ZBTB4: variants seen among roughly 807,000 people sequenced by gnomAD.
The protein encoded by ZBTB4 is zinc finger and BTB domain containing 4, also known as zinc finger and BTB domain-containing protein 4.
In ZBTB4, 14 loss-of-function variants were observed where a neutral mutation model predicts 59.8. The observed-to-expected ratio is 0.23, with a 90% CI of 0.15 to 0.37. The LOEUF is 0.37. ZBTB4 is among the 10% of genes least tolerant of loss of function. ZBTB4 has a pLI of 1.00. For synonymous variants in ZBTB4, 587 were observed against 575.2 expected, an observed-to-expected ratio of 1.02 and a Z score of -0.29; for missense variants, 1,198 against 1,380.8, an observed-to-expected ratio of 0.87 and a Z score of 2.10.
In ZBTB4 at chr17:7,462,475, G is replaced by T; in HGVS notation, c.2507C>A (p.Thr836Asn). ...SSSGEAGGGS[T>N]AAEEASETAS... ...GGTCTCGGAAGCTTCCTCAGCAGCAGTGCTCCCGCCACCTGCCTCACCGCT... is the reference window on the plus strand; with the variant it reads ...GGTCTCGGAAGCTTCCTCAGCAGCATTGCTCCCGCCACCTGCCTCACCGCT... Residue 836 changes from threonine to asparagine, a missense_variant, in exon 4 of 4, where the codon ACT becomes AAT. Coordinates refer to ENST00000380599, the MANE Select transcript of ZBTB4 (RefSeq NM_001128833.2). This position sits in a 1 kb window ranked among gnomAD's most constrained non-coding sequence, Gnocchi z 7.5. The T allele has an allele frequency of 6.2e-7, 1 of 1,613,866 alleles. No individual in the cohort carries two copies. The highest frequency in any genetic ancestry group is 8.5e-7 in the Non-Finnish European group (1 of 1,180,008).
chr17:7,467,844 C>T (rs553812353), intron 1 of ZBTB4, among the ~76,000 whole-genome samples: 3 of 152,196 alleles, frequency 2.0e-5, no homozygotes, highest in African/African-American at 7.2e-5. Context: ...ATCCTTCCAG[C>T]CCCATAAATC....
rs1162689501 is a variant in ZBTB4, at chr17:7,459,815, AT to A, written c.*2124del. 5.2e-5 allele frequency: 8 copies of A among 152,546 alleles called. No individual in the cohort carries two copies. The highest frequency in any genetic ancestry group is 1.7e-4 in the African/African-American group (7 of 41,420). The allele number at this position is 152,546 out of a possible 1,614,324, so 9.4% of individuals were successfully genotyped here. On this transcript the variant is annotated 3_prime_UTR_variant, in exon 4 of 4. Coordinates refer to ENST00000380599, the MANE Select transcript of ZBTB4 (RefSeq NM_001128833.2). ...ACAATCTCAATTCTCCCAAAAAAAA[AT>A]GTCCATGGTTTTGGAATTTTGACCT...
chr17:7,479,833 G>C (rs933090307), upstream of ZBTB4, among the ~76,000 whole-genome samples: 1 of 151,902 alleles, frequency 6.6e-6, no homozygotes, highest in African/African-American at 2.4e-5. Context: ...GGTGGACACC[G>C]AGCGGGGCGC....
chr17:7,466,602 A>G lies in ZBTB4; in HGVS notation c.200T>C (p.Leu67Pro), dbSNP rs765434026. The change falls in exon 3 of 4, where the codon CTT becomes CCT. Residue 67 changes from leucine to proline, a missense_variant. Transcript: ENST00000380599. This position sits in a 1 kb window ranked among gnomAD's most constrained non-coding sequence, Gnocchi z 9.1. ...EALLTSAPLP[L>P]PPATGGAAPN... ...TGCGGCGCCCCCAGTAGCTGGTGGA[A>G]GGGGTAGTGGGGCTGAAGTGAGCAG... The G allele has an allele frequency of 6.2e-7, 1 of 1,613,508 alleles. No individual in the cohort carries two copies. The highest frequency in any genetic ancestry group is 1.1e-5 in the South Asian group (1 of 91,000).
chr17:7,465,761 A>G lies in ZBTB4; in HGVS notation c.1041T>C (p.Ala347=). The change falls in exon 3 of 4, where the codon GCT becomes GCC. Residue 347 remains alanine (A), a synonymous_variant. Coordinates refer to ENST00000380599, the MANE Select transcript of ZBTB4 (RefSeq NM_001128833.2). Reference sequence around the variant, plus strand: ...CATGCTTCGTGCGGTACTCCGCCAGAGCAAACACTTTCTCACAATAGCGGC... The same window carrying G: ...CATGCTTCGTGCGGTACTCCGCCAGGGCAAACACTTTCTCACAATAGCGGC... ...YPCRYCEKVF[A]LAEYRTKHEV... is the part of the protein sequence containing the mutation. 6.2e-7 allele frequency: 1 copy of G among 1,614,068 alleles called. No individual in the cohort carries two copies. The highest frequency in any genetic ancestry group is 1.1e-5 in the South Asian group (1 of 91,082).
chr17:7,463,954 T>C, intron 3 of ZBTB4, 64 bp from the exon 4 acceptor site: 1 of 1,546,020 alleles, frequency 6.5e-7, no homozygotes, highest in Admixed American at 1.9e-5. Flanking sequence ...CCCTGAAGCC[T>C]CCCAGGTCCT....
chr17:7,474,812 G>C (rs922775859), intron 1 of ZBTB4, among the ~76,000 whole-genome samples: 7 of 151,006 alleles, frequency 4.6e-5, no homozygotes, highest in African/African-American at 1.5e-4. Context: ...AGGAGTTCCA[G>C]ACCAGCCTGG....
intron 3 of ZBTB4, 49 bp downstream of exon 3, chr17:7,465,662 C>G: frequency 1.9e-6 from 3 of 1,548,298 alleles, no homozygotes; most frequent in Non-Finnish European, 2.6e-6. Flanking sequence ...TTCCTATGAC[C>G]GCTGAGTGCC....
chr17:7,482,437 C>A (rs764171763), upstream of ZBTB4: 1 of 1,614,032 alleles, frequency 6.2e-7, no homozygotes, highest in Non-Finnish European at 8.5e-7. Flanking sequence ...GCCTTGAGAG[C>A]CAGGGTCTCA....
At chr17:7,477,764 C>T (rs988458243) in intron 1 of ZBTB4, among the ~76,000 whole-genome samples, 4 of 152,134 alleles carry the variant, frequency 2.6e-5, no homozygotes, top group Non-Finnish European at 4.4e-5. Context: ...GAAAACTTCA[C>T]GTTTCTTTTT....
chr17:7,461,822 C>G lies in ZBTB4; in HGVS notation c.*118G>C. On this transcript the variant is annotated 3_prime_UTR_variant, in exon 4 of 4. Coordinates refer to ENST00000380599, the MANE Select transcript of ZBTB4 (RefSeq NM_001128833.2). ...CTGACCCCTGAGCTCCAGGGGCCCC[C>G]AAGTCCCTGCACAAGAGTGTGAAGG... 4 of 912,604 alleles carry G rather than the reference C, an allele frequency of 4.4e-6. No homozygotes were observed. The highest frequency in any genetic ancestry group is 6.5e-6 in the Non-Finnish European group (4 of 616,146). The allele number at this position is 912,604 out of a possible 1,614,324, so 56.5% of individuals were successfully genotyped here. A position where few individuals can be genotyped will look rare whatever the true frequency, so the allele number is the denominator to read the frequency against.
intron 1 of ZBTB4, among the ~76,000 whole-genome samples, chr17:7,471,747 C>T (rs949869867): frequency 3.3e-5 from 5 of 152,150 alleles, no homozygotes; most frequent in Non-Finnish European, 5.9e-5. Context: ...TAGTTCCTAC[C>T]TTGTGGGGTT....
chr17:7,464,095 T>C (rs2150851493), intron 3 of ZBTB4, among the ~76,000 whole-genome samples: 1 of 152,268 alleles, frequency 6.6e-6, no homozygotes, highest in South Asian at 2.1e-4. Context: ...CCTCAGCTAT[T>C]CCATCTGGGA....
chr17:7,467,179 G>C, intron 2 of ZBTB4, 78 bp downstream of exon 2: 12 of 1,054,944 alleles, frequency 1.1e-5, no homozygotes, highest in Non-Finnish European at 1.4e-5. Context: ...CCCCAGCCTA[G>C]ACAAAATGGC....
chr17:7,483,002 G>T, upstream of ZBTB4: 1 of 1,611,982 alleles, frequency 6.2e-7, no homozygotes, highest in Non-Finnish European at 8.5e-7. Flanking sequence ...GGAGGAGTGA[G>T]ATAGAACTTG....
chr17:7,482,045 G>A (rs770385225), upstream of ZBTB4: 23 of 1,613,036 alleles, frequency 1.4e-5, no homozygotes, highest in East Asian at 2.5e-4. Flanking sequence ...GCCGCCCTCC[G>A]CTCCACCCAG....
In ZBTB4 at chr17:7,462,519, C is replaced by T; in HGVS notation, c.2463G>A (p.Glu821=). 1 of 1,614,030 alleles carries T rather than the reference C, an allele frequency of 6.2e-7. No homozygotes were observed. The highest frequency in any genetic ancestry group is 1.1e-5 in the South Asian group (1 of 91,092). ...PGDVKEEAPQ[E]MQVSSSSGEA... is the part of the protein sequence containing the mutation. ...CACCGCTGGATGAGGAGACTTGCAT[C>T]TCTTGGGGGGCTTCCTCCTTGACAT... The change falls in exon 4 of 4, where the codon GAG becomes GAA. Residue 821 remains glutamate, a synonymous_variant. Coordinates refer to ENST00000380599, the MANE Select transcript of ZBTB4 (RefSeq NM_001128833.2). The surrounding 1 kb of genome is among the most constrained non-coding windows in gnomAD (Gnocchi z 7.5).
chr17:7,479,685 C>G (rs1206677895), upstream of ZBTB4: 3 of 149,812 alleles, frequency 2.0e-5, no homozygotes, highest in Non-Finnish European at 4.4e-5. Flanking sequence ...ACAGTCCCCC[C>G]CCAGCGCCGC....
In ZBTB4 at chr17:7,465,454, GCT is replaced by G. The variant is rs1437942706; in HGVS notation, c.1091+255_1091+256del. Among the ~76,000 whole-genome samples, 3 of 147,656 alleles carry G rather than the reference GCT, an allele frequency of 2.0e-5. No individual in the cohort carries two copies. The East Asian group carries it at 5.9e-4, about 29-fold the overall frequency. ...ACTCCAGCCTGGGCTACAGAGAGAG[GCT>G]CTGTCTCAAAAAAAAAAAAAAAAAG... On this transcript the variant is annotated intron_variant, in intron 3 of 3. Coordinates refer to ENST00000380599, the MANE Select transcript of ZBTB4 (RefSeq NM_001128833.2).
Sources: allele counts gnomAD v4.1 joint callset (sites outside exome capture counted in the v4.1 genomes callset), GRCh38; gene constraint gnomAD v4.1.1; non-coding constraint Gnocchi (gnomAD v3.1); transcripts MANE v1.5; gene names NCBI Gene and HGNC (gene_info 2026-07-23, HGNC 2026-07-21).